Variants in NCAM2 observed in about 807,000 individuals in gnomAD.
The protein encoded by NCAM2 is neural cell adhesion molecule 2, also known as N-CAM-2.
Under a neutral mutation model 98.1 loss-of-function variants are expected in NCAM2, and 30 were observed. The ratio of observed to expected loss-of-function variants is 0.31; its 90% CI spans 0.23 to 0.41. The LOEUF (loss-of-function observed/expected upper bound fraction) is 0.41, where lower values mean the gene tolerates loss of function less well. NCAM2 is among the 10% of genes least tolerant of loss of function. The probability of loss-of-function intolerance (pLI) is 1.00; values close to 1 mark genes in which losing one functional copy is unlikely to be tolerated. For synonymous variants in NCAM2, 368 were observed against 342.4 expected, an observed-to-expected ratio of 1.07 and a Z score of -0.83; for missense variants, 867 against 1,005.8, an observed-to-expected ratio of 0.86 and a Z score of 1.87.
intron 8 of NCAM2, among the ~76,000 whole-genome samples, chr21:21,352,328 T>C (rs2075364802): frequency 6.6e-6 from 1 of 152,052 alleles, no homozygotes; most frequent in African/African-American, 2.4e-5. Context: ...TGTCATGTTG[T>C]TCAGGATGGT....
At chr21:21,160,092 CAAT>C (rs1569091081) in intron 1 of NCAM2, among the ~76,000 whole-genome samples, 1 of 151,984 alleles carries the variant, frequency 6.6e-6, no homozygotes, top group Non-Finnish European at 1.5e-5. Context: ...TAGCATTTCT[CAAT>C]AACAAGTCTT....
At chr21:21,452,715 ATTAC>A (rs1302189202) in intron 12 of NCAM2, among the ~76,000 whole-genome samples, 1 of 110,150 alleles carries the variant, frequency 9.1e-6, no homozygotes, top group Non-Finnish European at 1.7e-5. Context: ...TATAATATAT[ATTAC>A]TTTATATATT....
At chr21:21,287,843 G>A (rs1258115128) in intron 4 of NCAM2, among the ~76,000 whole-genome samples, 1 of 151,762 alleles carries the variant, frequency 6.6e-6, no homozygotes, top group Non-Finnish European at 1.5e-5. Context: ...TGGCCCTGAA[G>A]CTTTGAACAT....
At chr21:21,058,615 C>A (rs1031354234) in intron 1 of NCAM2, among the ~76,000 whole-genome samples, 1 of 150,884 alleles carries the variant, frequency 6.6e-6, no homozygotes, top group Non-Finnish European at 1.5e-5. Flanking sequence ...TTTGTTTTGT[C>A]AGCCATGGAT....
intron 1 of NCAM2, among the ~76,000 whole-genome samples, chr21:21,041,706 T>A (rs1002707085): frequency 1.3e-5 from 2 of 152,158 alleles, no homozygotes; most frequent in African/African-American, 4.8e-5. Context: ...GAATTTGACT[T>A]TGCTTCAGGG....
intron 8 of NCAM2, among the ~76,000 whole-genome samples, chr21:21,363,881 A>G (rs2075716888): frequency 6.6e-6 from 1 of 152,026 alleles, no homozygotes. Flanking sequence ...TGTTTCTCCT[A>G]TACATTATTT....
intron 1 of NCAM2, among the ~76,000 whole-genome samples, chr21:21,064,115 C>T (rs1255954978): frequency 1.3e-5 from 2 of 152,050 alleles, no homozygotes; most frequent in Non-Finnish European, 2.9e-5. Flanking sequence ...GATTTTAGTG[C>T]ATGTTGGAAA....
intron 8 of NCAM2, among the ~76,000 whole-genome samples, chr21:21,361,110 C>T (rs139019049): frequency 1.3e-4 from 20 of 152,176 alleles, no homozygotes; most frequent in African/African-American, 4.8e-4. Context: ...TCTGAGTTTT[C>T]ATGTGGAGTC....
rs115304407 is a variant in NCAM2, at chr21:21,333,519, A to C, written c.738-1986A>C. Among the ~76,000 whole-genome samples, 937 of 152,310 alleles carry C rather than the reference A, an allele frequency of 6.2e-3. 9 individuals carry two copies. The highest frequency in any genetic ancestry group is 0.021 in the African/African-American group (879 of 41,560). ...CATGATGGGTGGCAACTAATTTGCT[A>C]TACATCAAACATTTAGCACAATGTT... On this transcript the variant is annotated intron_variant, in intron 6 of 17. Coordinates refer to ENST00000400546, the MANE Select transcript of NCAM2 (RefSeq NM_004540.5).
intron 1 of NCAM2, among the ~76,000 whole-genome samples, chr21:21,103,422 G>C (rs1253551378): frequency 1.3e-5 from 2 of 151,860 alleles, no homozygotes; most frequent in African/African-American, 2.4e-5. Context: ...AGCACACACA[G>C]AATAATTTAT....
chr21:21,219,979 A>G (rs988783424), intron 1 of NCAM2, among the ~76,000 whole-genome samples: 2 of 152,184 alleles, frequency 1.3e-5, no homozygotes, highest in African/African-American at 4.8e-5. Context: ...AGCTTATAGA[A>G]TAAGGTTATG....
chr21:21,012,813 G>A (rs1180458549), intron 1 of NCAM2, among the ~76,000 whole-genome samples: 1 of 151,868 alleles, frequency 6.6e-6, no homozygotes, highest in Non-Finnish European at 1.5e-5. Flanking sequence ...TCACATTTAG[G>A]TAACTGGCAA....
At chr21:21,146,403 A>G (rs1246489830) in intron 1 of NCAM2, among the ~76,000 whole-genome samples, 1 of 151,630 alleles carries the variant, frequency 6.6e-6, no homozygotes, top group African/African-American at 2.4e-5. Flanking sequence ...GGTCTTCTAC[A>G]GTGATACTTA....
intron 4 of NCAM2, among the ~76,000 whole-genome samples, chr21:21,289,059 G>T (rs1237600091): frequency 6.6e-6 from 1 of 151,768 alleles, no homozygotes; most frequent in African/African-American, 2.4e-5. Context: ...TATGCTATTT[G>T]CTGATATCCA....
chr21:21,283,106 G>T (rs892214944), intron 2 of NCAM2, among the ~76,000 whole-genome samples: 7 of 151,828 alleles, frequency 4.6e-5, no homozygotes, highest in African/African-American at 7.2e-5. Context: ...ATGGTTTTAT[G>T]ATTTGTTTAG....
chr21:21,466,488 A>C (rs1013276927), intron 12 of NCAM2, 118 bp from the exon 13 acceptor site: 30 of 722,932 alleles, frequency 4.1e-5, no homozygotes, highest in Non-Finnish European at 5.9e-5. Flanking sequence ...GAAAGATTTC[A>C]GTGAAATTAT....
At chr21:21,418,090 GATAC>G (rs1231429854) in intron 10 of NCAM2, among the ~76,000 whole-genome samples, 6 of 138,766 alleles carry the variant, frequency 4.3e-5, no homozygotes, top group Non-Finnish European at 8.0e-5. Context: ...GCAAACTATA[GATAC>G]ATATATATAT....
chr21:21,066,104 A>T (rs761923671), intron 1 of NCAM2, among the ~76,000 whole-genome samples: 7 of 152,134 alleles, frequency 4.6e-5, no homozygotes, highest in Non-Finnish European at 7.4e-5. Flanking sequence ...TCTTCATGGG[A>T]TATTCTATGT....
chr21:21,481,503 G>A (rs1376109652), intron 15 of NCAM2, among the ~76,000 whole-genome samples: 1 of 152,210 alleles, frequency 6.6e-6, no homozygotes, highest in African/African-American at 2.4e-5. Context: ...TTAGGTACAA[G>A]TGGGCAGAGA....
Sources: allele counts gnomAD v4.1 joint callset (sites outside exome capture counted in the v4.1 genomes callset), GRCh38; gene constraint gnomAD v4.1.1; transcripts MANE v1.5; gene names NCBI Gene and HGNC (gene_info 2026-07-23, HGNC 2026-07-21).